The following JARID2 variants were observed in gnomAD, a reference collection of about 807,000 sequenced individuals.
The protein encoded by JARID2 is protein Jumonji.
In JARID2, 21 loss-of-function variants were observed where a neutral mutation model predicts 125.6. The ratio of observed to expected loss-of-function variants is 0.17; its 90% confidence interval spans 0.12 to 0.24. The LOEUF is 0.24. Ranked by LOEUF, JARID2 falls within the 10% of genes least tolerant of loss-of-function variation. JARID2 has a pLI of 1.00. For missense variants in JARID2, 1,303 were observed against 1,639.6 expected, an observed-to-expected ratio of 0.79 and a Z score of 3.55; for synonymous variants, 736 against 661.6, an observed-to-expected ratio of 1.11 and a Z score of -1.73.
At chr6:15,403,171 C>T (rs186129326) in intron 2 of JARID2, among the ~76,000 whole-genome samples, 1 of 152,296 alleles carries the variant, frequency 6.6e-6, no homozygotes, top group East Asian at 1.9e-4. Context: ...CAGTGGTGAT[C>T]ATCAGAGTTT....
At chr6:15,304,678 C>T (rs1761758507) in intron 1 of JARID2, among the ~76,000 whole-genome samples, 1 of 152,104 alleles carries the variant, frequency 6.6e-6, no homozygotes, top group Non-Finnish European at 1.5e-5. Flanking sequence ...CTTTAAAATC[C>T]ACCCATAGGC....
At chr6:15,324,132 T>C (rs992627298) in intron 1 of JARID2, among the ~76,000 whole-genome samples, 3 of 151,312 alleles carry the variant, frequency 2.0e-5, no homozygotes, top group Non-Finnish European at 2.9e-5. Flanking sequence ...TGAGCCAAGA[T>C]TGGGCCACTG....
intron 1 of JARID2, among the ~76,000 whole-genome samples, chr6:15,283,189 A>G (rs556376754): frequency 2.1e-4 from 31 of 148,706 alleles, no homozygotes; most frequent in Admixed American, 1.0e-3. Flanking sequence ...CGTGTTAGCC[A>G]GGACGGTCTC....
chr6:15,423,198 C>G (rs1473209513), intron 3 of JARID2, among the ~76,000 whole-genome samples: 1 of 152,020 alleles, frequency 6.6e-6, no homozygotes, highest in Non-Finnish European at 1.5e-5. Context: ...TAGGTTTTCA[C>G]CATGTTGCTC....
At chr6:15,404,488 T>C (rs1765567045) in intron 2 of JARID2, among the ~76,000 whole-genome samples, 1 of 151,132 alleles carries the variant, frequency 6.6e-6, no homozygotes, top group Non-Finnish European at 1.5e-5. Context: ...CCATGGGGGC[T>C]GCTTTTATAA....
At chr6:15,360,527 A>G (rs1763756528) in intron 1 of JARID2, among the ~76,000 whole-genome samples, 5 of 152,110 alleles carry the variant, frequency 3.3e-5, no homozygotes, top group Admixed American at 3.3e-4. Flanking sequence ...CAGTTGCCCA[A>G]ACTGGAGTAT....
intron 2 of JARID2, among the ~76,000 whole-genome samples, chr6:15,395,620 G>A (rs932369942): frequency 2.0e-5 from 3 of 151,752 alleles, no homozygotes; most frequent in South Asian, 4.2e-4. Context: ...GACTGGTCTC[G>A]AACTCCTGAC....
At chr6:15,372,908 CA>C (rs766473825) in intron 1 of JARID2, among the ~76,000 whole-genome samples, 1 of 151,826 alleles carries the variant, frequency 6.6e-6, no homozygotes, top group Non-Finnish European at 1.5e-5. Context: ...GGGATTTCAC[CA>C]TGTTATTCAG....
At chr6:15,273,073 C>T (rs550207169) in intron 1 of JARID2, among the ~76,000 whole-genome samples, 210 of 152,230 alleles carry the variant, frequency 1.4e-3, no homozygotes, top group African/African-American at 4.8e-3. Flanking sequence ...TTAGGGGATT[C>T]AGCATATGGC....
At chr6:15,332,935 CTTTTTT>C (rs33921682) in intron 1 of JARID2, among the ~76,000 whole-genome samples, 818 of 42,040 alleles carry the variant, frequency 0.019, 2 homozygotes, top group South Asian at 0.037. Flanking sequence ...CTTTTCTTTT[CTTTTTT>C]TTTTTTTTTT....
intron 1 of JARID2, among the ~76,000 whole-genome samples, chr6:15,287,132 AAAAAG>A (rs1761033257): frequency 1.3e-5 from 2 of 151,554 alleles, no homozygotes; most frequent in African/African-American, 4.9e-5. Context: ...CATCTCAAAA[AAAAAG>A]AAAACACAAA....
chr6:15,422,270 T>C (rs1185606431), intron 3 of JARID2, among the ~76,000 whole-genome samples: 1 of 152,226 alleles, frequency 6.6e-6, no homozygotes. Context: ...TCTTTACTTT[T>C]CCTGCAGTGA....
At chr6:15,383,512 C>T (rs141200773) in intron 2 of JARID2, among the ~76,000 whole-genome samples, 45 of 152,250 alleles carry the variant, frequency 3.0e-4, no homozygotes, top group Non-Finnish European at 6.0e-4. Context: ...GTTCTTGCAT[C>T]TCCTGCCTGC....
intron 1 of JARID2, among the ~76,000 whole-genome samples, chr6:15,279,403 C>T (rs1760667201): frequency 6.6e-6 from 1 of 152,108 alleles, no homozygotes; most frequent in Admixed American, 6.5e-5. Context: ...GTTTTGTGAG[C>T]CTGACTTTTC....
intron 1 of JARID2, among the ~76,000 whole-genome samples, chr6:15,306,645 G>A (rs1761838305): frequency 1.3e-5 from 2 of 151,732 alleles, no homozygotes; most frequent in Non-Finnish European, 2.9e-5. Context: ...GCCCAACACA[G>A]TCACATTTCA....
intron 3 of JARID2, among the ~76,000 whole-genome samples, chr6:15,411,869 G>A (rs1238040349): frequency 3.3e-5 from 5 of 152,182 alleles, no homozygotes; most frequent in Admixed American, 6.5e-5. Context: ...GTCAGCATCC[G>A]GGTGCAGTGA....
At chr6:15,382,821 C>T (rs1023741008) in intron 2 of JARID2, among the ~76,000 whole-genome samples, 1 of 152,222 alleles carries the variant, frequency 6.6e-6, no homozygotes, top group Non-Finnish European at 1.5e-5. Context: ...TTTCGGGTCA[C>T]TTTGTGCTTG....
chr6:15,320,848 C>CTGTGTG (rs764906403), intron 1 of JARID2, among the ~76,000 whole-genome samples: 330 of 135,114 alleles, frequency 2.4e-3, no homozygotes, highest in African/African-American at 8.4e-3. Context: ...TTCTCTCTCT[C>CTGTGTG]TCTCTGTGTG....
intron 3 of JARID2, among the ~76,000 whole-genome samples, chr6:15,428,830 C>T (rs533019580): frequency 3.9e-4 from 58 of 150,194 alleles, no homozygotes; most frequent in South Asian, 3.1e-3. Context: ...CGCTGGAACC[C>T]GGGAGGTAGA....
Sources: gnomAD v4.1 joint callset for allele counts (sites outside exome capture counted in the v4.1 genomes callset) on GRCh38, gnomAD v4.1.1 for gene constraint, MANE v1.5 for transcripts, NCBI Gene and HGNC (gene_info 2026-07-23, HGNC 2026-07-21) for gene names.